The following PRDM15 variants were observed in gnomAD, a reference collection of about 807,000 sequenced individuals.
The protein encoded by PRDM15 is PR domain zinc finger protein 15.
In PRDM15, 64 loss-of-function variants were observed where a neutral mutation model predicts 128.6. The ratio of observed to expected loss-of-function variants is 0.50; its 90% CI spans 0.41 to 0.61. The LOEUF is 0.61. Among genes scored for constraint, PRDM15 ranks in the 20% least tolerant of loss-of-function variants. PRDM15 has a pLI of 0.00. For missense variants in PRDM15, 1,242 were observed against 1,569.1 expected, an observed-to-expected ratio of 0.79 and a Z score of 3.52; for synonymous variants, 615 against 621.8, an observed-to-expected ratio of 0.99 and a Z score of 0.16.
Position 41,875,200 on chromosome 21 carries a change from C to T in PRDM15, c.-10+4070G>A, listed in dbSNP as rs560293358. Among the ~76,000 whole-genome samples the T allele has an allele frequency of 2.8e-4, 42 of 152,362 alleles. 1 individual carries two copies. The South Asian group carries it at 5.8e-3, about 21-fold the overall frequency. On this transcript the variant is annotated intron_variant, in intron 1 of 23. Transcript: ENST00000398548. ...CCCTCCTAAGCCCCTTTGCTGTCTGCACCTCCCCTCCAGAGCCTCCACAGG... is the reference window on the plus strand; with the variant it reads ...CCCTCCTAAGCCCCTTTGCTGTCTGTACCTCCCCTCCAGAGCCTCCACAGG...
At chr21:41,834,418 G>T in intron 11 of PRDM15, 1 of 1,228,262 alleles carries the variant, frequency 8.1e-7, no homozygotes, top group Non-Finnish European at 1.2e-6. Flanking sequence ...CACAGGGGCG[G>T]GTGGCACCTT....
In PRDM15 at chr21:41,803,963, A is replaced by ATTT. The variant is rs72214468; in HGVS notation, c.2733+568_2733+570dup. Among the ~76,000 whole-genome samples the ATTT allele has an allele frequency of 4.8e-4, 63 of 132,454 alleles. 2 individuals are homozygous for ATTT. Among genetic ancestry groups the ATTT allele is most frequent in the African/African-American group, 1.6e-3 (58 of 35,468 alleles). 86.9% of individuals were successfully genotyped at this position (132,454 alleles called of 152,430 possible). A position where few individuals can be genotyped will look rare whatever the true frequency, so the allele number is the denominator to read the frequency against. On this transcript the variant is annotated intron_variant, in intron 22 of 23. Transcript: ENST00000398548. ...TTAGAACATTTTAATGATTGTTCTG[A>ATTT]TTTTTTTTTTTTTTTTTTTCAGACA...
intron 22 of PRDM15, among the ~76,000 whole-genome samples, chr21:41,803,776 G>A (rs1391012838): frequency 1.3e-5 from 2 of 152,054 alleles, no homozygotes; most frequent in Non-Finnish European, 2.9e-5. Flanking sequence ...ACTCTAAAGC[G>A]CTGTTTCAGA....
At position 41,871,805 on chromosome 21, in the gene PRDM15, AC is replaced by A. The variant is rs965621985; in HGVS notation, c.-10+7464del. On this transcript the variant is annotated intron_variant, in intron 1 of 23. Coordinates refer to ENST00000398548, the MANE Select transcript of PRDM15 (RefSeq NM_001040424.3). ...TGCTGCGTTTCATCACCTCTCCAGCACCCAGGCTCAGGACGTGCAGACACAG... is the reference window on the plus strand; with the variant it reads ...TGCTGCGTTTCATCACCTCTCCAGCACCAGGCTCAGGACGTGCAGACACAG... 38 of 604,544 alleles carry A rather than the reference AC, an allele frequency of 6.3e-5. No homozygotes were observed. In the African/African-American group the frequency reaches 6.7e-4, roughly 11 times the overall value. 37.4% of individuals were successfully genotyped at this position (604,544 alleles called of 1,614,324 possible). A position where few individuals can be genotyped will look rare whatever the true frequency, so the allele number is the denominator to read the frequency against.
At chr21:41,830,204 A>G (rs2062635100) in intron 11 of PRDM15, among the ~76,000 whole-genome samples, 1 of 149,962 alleles carries the variant, frequency 6.7e-6, no homozygotes, top group Non-Finnish European at 1.5e-5. Context: ...AAATACACAC[A>G]TTCAACACAA....
chr21:41,863,769 A>G (rs1435492782), intron 1 of PRDM15, among the ~76,000 whole-genome samples: 2 of 152,194 alleles, frequency 1.3e-5, no homozygotes, highest in Non-Finnish European at 2.9e-5. Flanking sequence ...AAACTTTGAT[A>G]CCGGTGAGAA....
intron 5 of PRDM15, among the ~76,000 whole-genome samples, chr21:41,851,757 A>G (rs2063436803): frequency 6.6e-6 from 1 of 152,200 alleles, no homozygotes; most frequent in Non-Finnish European, 1.5e-5. Flanking sequence ...AAGGGAAGGA[A>G]GGACCCAACC....
chr21:41,865,151 C>T lies in PRDM15; in HGVS notation c.-9-4779G>A, dbSNP rs1201604539. Among the ~76,000 whole-genome samples, 10 of 94,062 alleles carry T rather than the reference C, an allele frequency of 1.1e-4. 1 individual carries two copies. Among genetic ancestry groups the T allele is most frequent in the South Asian group, 4.5e-4 (1 of 2,238 alleles). The allele number at this position is 94,062 out of a possible 152,430, so 61.7% of individuals were successfully genotyped here. ...TCCTCAGTCCCCACTCCCCACTCCC[C>T]GGCTCACTCCTCACTCCCCTGCTCA... On this transcript the variant is annotated intron_variant, in intron 1 of 23. Coordinates refer to ENST00000398548, the MANE Select transcript of PRDM15 (RefSeq NM_001040424.3).
chr21:41,877,873 T>TA (rs34037874), intron 1 of PRDM15, among the ~76,000 whole-genome samples: 7 of 152,112 alleles, frequency 4.6e-5, no homozygotes, highest in Admixed American at 2.0e-4. Context: ...AAACAAACTA[T>TA]AAAAAAAATG....
intron 1 of PRDM15, chr21:41,861,984 A>G: frequency 6.2e-7 from 1 of 1,613,390 alleles, no homozygotes; most frequent in Non-Finnish European, 8.5e-7. Flanking sequence ...TCATAGCCGC[A>G]TTCGGCCTTG....
intron 6 of PRDM15, among the ~76,000 whole-genome samples, chr21:41,841,756 TAACTGTGTGCTTCA>T (rs2063080415): frequency 6.6e-6 from 1 of 152,222 alleles, no homozygotes; most frequent in Non-Finnish European, 1.5e-5. Context: ...TCAATTGTGT[TAACTGTGTGCTTCA>T]AATCTGTATC....
chr21:41,822,298 T>C (rs2062305754), intron 14 of PRDM15, among the ~76,000 whole-genome samples: 1 of 152,244 alleles, frequency 6.6e-6, no homozygotes, highest in Admixed American at 6.5e-5. Context: ...GATCCCAATC[T>C]GTGCCCAGGG....
At chr21:41,869,607 T>C (rs1433640832) in intron 1 of PRDM15, among the ~76,000 whole-genome samples, 2 of 152,030 alleles carry the variant, frequency 1.3e-5, no homozygotes, top group Non-Finnish European at 2.9e-5. Flanking sequence ...CCACCACGCC[T>C]GGCTAATTTT....
intron 19 of PRDM15, chr21:41,812,598 A>G (rs1049971946): frequency 1.3e-5 from 2 of 152,256 alleles, no homozygotes; most frequent in African/African-American, 4.8e-5. Context: ...AAGAAAACCC[A>G]AGCCTGGTCT....
intron 12 of PRDM15, among the ~76,000 whole-genome samples, chr21:41,826,677 C>A (rs1237754015): frequency 1.3e-5 from 2 of 152,186 alleles, no homozygotes; most frequent in Admixed American, 1.3e-4. Flanking sequence ...CCGACCCATT[C>A]TGGGAGCATT....
Position 41,873,863 on chromosome 21 carries a change from C to T in PRDM15, c.-10+5407G>A, listed in dbSNP as rs181952783. ...AATTTTGAGACCACCTTGAGTAACA[C>T]GGAGAAACCCCATCTCTACAGAAAA... On this transcript the variant is annotated intron_variant, in intron 1 of 23. Coordinates refer to ENST00000398548, the MANE Select transcript of PRDM15 (RefSeq NM_001040424.3). Among the ~76,000 whole-genome samples, 123 of 152,036 alleles carry T rather than the reference C, an allele frequency of 8.1e-4. 1 individual carries two copies. The highest frequency in any genetic ancestry group is 2.7e-3 in the African/African-American group (111 of 41,484).
At chr21:41,850,313 A>G (rs8130875) in intron 5 of PRDM15, among the ~76,000 whole-genome samples, 5 of 142,076 alleles carry the variant, frequency 3.5e-5, no homozygotes, top group African/African-American at 1.3e-4. Context: ...GTGCCCCCCC[A>G]ACACTCTCCT....
chr21:41,802,888 C>G lies in PRDM15; in HGVS notation c.2767G>C (p.Glu923Gln), dbSNP rs372762092. The G allele has an allele frequency of 3.6e-5, 58 of 1,614,112 alleles. 1 individual carries two copies. In the South Asian group the frequency reaches 3.6e-4, roughly 10 times the overall value. ...TTGGCAGCTTTCCCGTGCTTCCCTTCGGCCAAATCCTCCTGCTCCAGAGTC... is the reference window on the plus strand; with the variant it reads ...TTGGCAGCTTTCCCGTGCTTCCCTTGGGCCAAATCCTCCTGCTCCAGAGTC... ...ELTLEQEDLAEGKHGKAAKRS... is the reference protein window; with the variant it reads ...ELTLEQEDLAQGKHGKAAKRS... Residue 923 changes from glutamate (E) to glutamine (Q), a missense_variant, in exon 23 of 24, where the codon GAA (glutamate) becomes CAA (glutamine). Coordinates refer to ENST00000398548, the MANE Select transcript of PRDM15 (RefSeq NM_001040424.3).
At chr21:41,864,572 C>G (rs1260144777) in intron 1 of PRDM15, among the ~76,000 whole-genome samples, 1 of 152,046 alleles carries the variant, frequency 6.6e-6, no homozygotes, top group Admixed American at 6.6e-5. Context: ...CCTGGAACCG[C>G]TGTGACCTCT....
Sources: allele counts gnomAD v4.1 joint callset (sites outside exome capture counted in the v4.1 genomes callset), GRCh38; gene constraint gnomAD v4.1.1; transcripts MANE v1.5; gene names NCBI Gene and HGNC (gene_info 2026-07-23, HGNC 2026-07-21).